Variants in CNTNAP2 observed in about 807,000 individuals in gnomAD.
CNTNAP2 encodes contactin-associated protein-like 2.
A neutral mutation model predicts 155.2 loss-of-function variants in CNTNAP2; 98 were observed. The observed-to-expected ratio is 0.63, with a 90% confidence interval of 0.54 to 0.75. The LOEUF (loss-of-function observed/expected upper bound fraction) is 0.75. Among genes scored for constraint, CNTNAP2 ranks in the 30% least tolerant of loss-of-function variants. The pLI, the probability that CNTNAP2 is intolerant of heterozygous loss-of-function variation, is 0.00. For missense variants in CNTNAP2, 1,727 were observed against 1,688.1 expected, an observed-to-expected ratio of 1.02 and a Z score of -0.40; for synonymous variants, 651 against 631.2, an observed-to-expected ratio of 1.03 and a Z score of -0.47.
rs141504409 is a variant in CNTNAP2, at chr7:146,251,782, G to A, written c.97+134809G>A. Among the ~76,000 whole-genome samples, 1,144 of 152,186 alleles carry A rather than the reference G, an allele frequency of 7.5e-3. 15 individuals are homozygous for A. The highest frequency in any genetic ancestry group is 0.025 in the African/African-American group (1,045 of 41,514). On this transcript the variant is annotated intron_variant, in intron 1 of 23. Transcript: ENST00000361727. The stretch of plus-strand genomic sequence containing the variant: ...TATGACTCAGAGCTTCAGACTTAAC[G>A]TCATACATTTTCACATAGGTTTTAA...
intron 1 of CNTNAP2, among the ~76,000 whole-genome samples, chr7:146,199,195 A>G (rs1388315464): frequency 6.6e-6 from 1 of 152,232 alleles, no homozygotes; most frequent in Non-Finnish European, 1.5e-5. Flanking sequence ...TGGGGACACA[A>G]TAACCTCTTA....
chr7:146,289,660 A>G (rs1232958293), intron 1 of CNTNAP2, among the ~76,000 whole-genome samples: 1 of 152,202 alleles, frequency 6.6e-6, no homozygotes, highest in African/African-American at 2.4e-5. Context: ...GCAAACGACC[A>G]TTTATATTCC....
intron 2 of CNTNAP2, among the ~76,000 whole-genome samples, chr7:146,783,507 T>C (rs1802524621): frequency 6.6e-6 from 1 of 152,228 alleles, no homozygotes; most frequent in Non-Finnish European, 1.5e-5. Flanking sequence ...GGAATATGTG[T>C]ATCATTGACA....
At chr7:146,985,986 G>A (rs1798108671) in intron 3 of CNTNAP2, among the ~76,000 whole-genome samples, 3 of 151,974 alleles carry the variant, frequency 2.0e-5, no homozygotes, top group Admixed American at 2.0e-4. Flanking sequence ...ACTTTAGGTT[G>A]CAATTTTTTT....
intron 8 of CNTNAP2, among the ~76,000 whole-genome samples, chr7:147,163,167 G>A (rs2116458661): frequency 6.6e-6 from 1 of 152,278 alleles, no homozygotes; most frequent in Non-Finnish European, 1.5e-5. Flanking sequence ...TCTCAGTGTA[G>A]TTGATGGTGG....
intron 1 of CNTNAP2, among the ~76,000 whole-genome samples, chr7:146,187,190 T>C (rs1286219943): frequency 6.6e-6 from 1 of 152,194 alleles, no homozygotes; most frequent in Non-Finnish European, 1.5e-5. Context: ...TCACTCAGAA[T>C]ATCATCCCAC....
At chr7:147,242,796 C>G (rs569884978) in intron 8 of CNTNAP2, among the ~76,000 whole-genome samples, 4 of 152,120 alleles carry the variant, frequency 2.6e-5, no homozygotes, top group Non-Finnish European at 5.9e-5. Context: ...GTCCACTCTA[C>G]CTTCCTCCTA....
chr7:147,822,911 G>GC, intron 13 of CNTNAP2, among the ~76,000 whole-genome samples: 1 of 152,070 alleles, frequency 6.6e-6, no homozygotes, highest in African/African-American at 2.4e-5. Context: ...TTTGCTATTT[G>GC]TCAACTCTGC....
At chr7:146,950,591 C>T (rs1055093539) in intron 3 of CNTNAP2, among the ~76,000 whole-genome samples, 10 of 152,178 alleles carry the variant, frequency 6.6e-5, no homozygotes, top group Admixed American at 6.6e-4. Flanking sequence ...ATGGTTTCCA[C>T]CTTTATCCAT....
intron 13 of CNTNAP2, among the ~76,000 whole-genome samples, chr7:147,747,499 G>A (rs1797064655): frequency 6.6e-6 from 1 of 152,034 alleles, no homozygotes; most frequent in African/African-American, 2.4e-5. Flanking sequence ...TTCATCCATT[G>A]ATGGACACTT....
intron 13 of CNTNAP2, among the ~76,000 whole-genome samples, chr7:147,734,835 T>G (rs1190592221): frequency 6.6e-6 from 1 of 152,196 alleles, no homozygotes; most frequent in Non-Finnish European, 1.5e-5. Flanking sequence ...TGATGGTAGT[T>G]TGTATTTCTG....
chr7:147,929,092 CAAAAAAAAAAA>C (rs66584239), intron 14 of CNTNAP2, among the ~76,000 whole-genome samples: 2 of 34,622 alleles, frequency 5.8e-5, no homozygotes, highest in South Asian at 1.5e-3. Context: ...AACTCCATCC[CAAAAAAAAAAA>C]AAAAAAAAAA....
In CNTNAP2 at chr7:147,138,786, G is replaced by A. The variant is rs114488755; in HGVS notation, c.1348+6277G>A. ...ACAATATTTTTGAGCCTTTTAAAAT[G>A]TTCTATGCCTTTTTCAGGGAAGATG... On this transcript the variant is annotated intron_variant, in intron 8 of 23. Transcript: ENST00000361727. Among the ~76,000 whole-genome samples, 1,063 of 152,036 alleles carry A rather than the reference G, an allele frequency of 7.0e-3. 12 individuals carry two copies. The highest frequency in any genetic ancestry group is 0.024 in the African/African-American group (1,013 of 41,510).
At chr7:146,292,920 T>C (rs1248582989) in intron 1 of CNTNAP2, among the ~76,000 whole-genome samples, 3 of 152,092 alleles carry the variant, frequency 2.0e-5, no homozygotes, top group Non-Finnish European at 4.4e-5. Flanking sequence ...AAGCTTTAAT[T>C]ACACAAGAGA....
intron 21 of CNTNAP2, among the ~76,000 whole-genome samples, chr7:148,295,555 A>G (rs6951043): frequency 0.4 from 57,851 of 143,722 alleles, 12,576 homozygotes; most frequent in East Asian, 0.65. Context: ...GCTGTGGCGC[A>G]GTCTCGGCTC....
chr7:148,363,612 A>G (rs972092973), intron 21 of CNTNAP2, among the ~76,000 whole-genome samples: 2 of 152,142 alleles, frequency 1.3e-5, no homozygotes, highest in Non-Finnish European at 2.9e-5. Context: ...TCTATCTGGA[A>G]TGCTTTTTTC....
rs142492916 is a variant in CNTNAP2, at chr7:147,791,946, G to A, written c.2099-111619G>A. ...TTGCCTGCCATTCCGGGCATAGAGC[G>A]GCTTGGCCCAGAAACCACACAAATG... On this transcript the variant is annotated intron_variant, in intron 13 of 23. Coordinates refer to ENST00000361727, the MANE Select transcript of CNTNAP2 (RefSeq NM_014141.6). Among the ~76,000 whole-genome samples the A allele has an allele frequency of 4.6e-5, 7 of 152,284 alleles. No homozygotes were observed. In the East Asian group the frequency reaches 5.8e-4, roughly 13 times the overall value.
intron 14 of CNTNAP2, among the ~76,000 whole-genome samples, chr7:147,969,708 G>A (rs78276969): frequency 0.01 from 1,561 of 152,030 alleles, 30 homozygotes; most frequent in African/African-American, 0.036. Flanking sequence ...CTAAAAATTC[G>A]CCATACTTTT....
At chr7:148,401,392 C>T (rs1465316188) in intron 22 of CNTNAP2, among the ~76,000 whole-genome samples, 1 of 152,208 alleles carries the variant, frequency 6.6e-6, no homozygotes, top group Non-Finnish European at 1.5e-5. Context: ...ACAATCAATA[C>T]TTTACAAGTG....
Sources: gnomAD v4.1 joint callset for allele counts (sites outside exome capture counted in the v4.1 genomes callset) on GRCh38, gnomAD v4.1.1 for gene constraint, MANE v1.5 for transcripts, NCBI Gene and HGNC (gene_info 2026-07-23, HGNC 2026-07-21) for gene names.